KIF16B: variants seen among roughly 807,000 people sequenced by gnomAD.
KIF16B encodes the protein kinesin-like protein KIF16B.
KIF16B carries 98 observed loss-of-function variants against 156.3 expected under a neutral mutation model. The ratio of observed to expected loss-of-function variants is 0.63; its 90% CI spans 0.53 to 0.74. The LOEUF (loss-of-function observed/expected upper bound fraction) is 0.74. Ranked by LOEUF, KIF16B falls within the 30% of genes least tolerant of loss-of-function variation. The pLI is 0.00. For synonymous variants in KIF16B, 564 were observed against 583.7 expected, an observed-to-expected ratio of 0.97 and a Z score of 0.49; for missense variants, 1,421 against 1,606.5, an observed-to-expected ratio of 0.88 and a Z score of 1.97.
chr20:16,287,922 T>C (rs1050311163), intron 25 of KIF16B, among the ~76,000 whole-genome samples: 3 of 152,190 alleles, frequency 2.0e-5, no homozygotes, highest in Non-Finnish European at 2.9e-5. Context: ...TTCCACATAA[T>C]CTGACAGGTG....
chr20:16,338,314 C>A (rs1306203830), intron 23 of KIF16B, among the ~76,000 whole-genome samples: 2 of 152,150 alleles, frequency 1.3e-5, no homozygotes, highest in Admixed American at 6.5e-5. Context: ...CTCCTGTATC[C>A]TCTCTGAACT....
intron 15 of KIF16B, among the ~76,000 whole-genome samples, chr20:16,419,082 T>C (rs182934889): frequency 2.3e-4 from 35 of 152,266 alleles, no homozygotes; most frequent in Non-Finnish European, 2.6e-4. Flanking sequence ...AGGTGGAGCC[T>C]GGGAATTTGC....
At position 16,356,351 on chromosome 20, in the gene KIF16B, T is replaced by G; in HGVS notation, c.3600A>C (p.Ala1200=). ...RYVLCGQGKD[A]HFEFEVKITV... ...TCACCTTGACCTCAAACTCGAAGTG[T>G]GCATCCTTTCCTTGCCCGCAGAGGA... Residue 1200 remains alanine, a synonymous_variant, in exon 23 of 26, where the codon GCA becomes GCC. Coordinates refer to ENST00000354981, the MANE Select transcript of KIF16B (RefSeq NM_024704.5). 1 of 1,614,160 alleles carries G rather than the reference T, an allele frequency of 6.2e-7. No individual in the cohort carries two copies.
intron 10 of KIF16B, among the ~76,000 whole-genome samples, chr20:16,499,317 T>C (rs1376670190): frequency 1.3e-5 from 2 of 152,232 alleles, no homozygotes; most frequent in Non-Finnish European, 2.9e-5. Context: ...AGTACATATG[T>C]AGTTCATCCT....
intron 25 of KIF16B, among the ~76,000 whole-genome samples, chr20:16,298,768 C>T (rs917621877): frequency 5.9e-5 from 9 of 152,172 alleles, no homozygotes; most frequent in African/African-American, 2.2e-4. Flanking sequence ...TGAACTTAAT[C>T]AAGCCTCTGG....
At chr20:16,422,347 T>G (rs2066246475) in intron 15 of KIF16B, among the ~76,000 whole-genome samples, 1 of 152,120 alleles carries the variant, frequency 6.6e-6, no homozygotes, top group African/African-American at 2.4e-5. Context: ...AGTACTGATT[T>G]TCTCACAGAA....
intron 3 of KIF16B, among the ~76,000 whole-genome samples, chr20:16,523,749 C>T (rs981084417): frequency 2.6e-5 from 4 of 152,066 alleles, no homozygotes; most frequent in African/African-American, 7.2e-5. Context: ...GCAAAAAGAA[C>T]AAAGCTGGAG....
At chr20:16,554,990 T>G (rs1021604135) in intron 1 of KIF16B, among the ~76,000 whole-genome samples, 3 of 152,222 alleles carry the variant, frequency 2.0e-5, no homozygotes, top group African/African-American at 7.2e-5. Flanking sequence ...TGGCTTGCCC[T>G]TGGCAGGCAT....
At chr20:16,494,398 T>TA in intron 11 of KIF16B, 48 bp from the exon 12 acceptor site, 1 of 1,259,452 alleles carries the variant, frequency 7.9e-7, no homozygotes, top group Non-Finnish European at 1.1e-6. Context: ...AGAAAGTTTA[T>TA]AATTTTCTTC....
At chr20:16,333,075 C>A (rs534387503) in intron 24 of KIF16B, among the ~76,000 whole-genome samples, 1 of 152,316 alleles carries the variant, frequency 6.6e-6, no homozygotes, top group South Asian at 2.1e-4. Flanking sequence ...CAAGGCTCCA[C>A]ATGATAGAGT....
intron 20 of KIF16B, 45 bp from the exon 21 acceptor site, chr20:16,371,806 A>G: frequency 9.9e-6 from 13 of 1,314,934 alleles, no homozygotes; most frequent in Non-Finnish European, 1.4e-5. Context: ...TTCTAACCAC[A>G]CAGGACATTC....
intron 1 of KIF16B, among the ~76,000 whole-genome samples, chr20:16,552,655 T>A (rs1357701942): frequency 6.6e-6 from 1 of 152,172 alleles, no homozygotes; most frequent in Non-Finnish European, 1.5e-5. Context: ...GCCCAGAGGT[T>A]TTTAAAGGTC....
chr20:16,301,619 A>G (rs988358737), intron 25 of KIF16B, among the ~76,000 whole-genome samples: 1 of 151,968 alleles, frequency 6.6e-6, no homozygotes, highest in Non-Finnish European at 1.5e-5. Flanking sequence ...CCTTCTGTAT[A>G]TCTTCTTTGG....
At chr20:16,485,345 A>G (rs2146869067) in intron 12 of KIF16B, among the ~76,000 whole-genome samples, 1 of 151,944 alleles carries the variant, frequency 6.6e-6, no homozygotes, top group Non-Finnish European at 1.5e-5. Flanking sequence ...AGTTTGTTCT[A>G]TAGAAAAAAA....
At chr20:16,513,793 T>C (rs1019718778) in intron 4 of KIF16B, among the ~76,000 whole-genome samples, 5 of 152,018 alleles carry the variant, frequency 3.3e-5, no homozygotes, top group African/African-American at 4.8e-5. Flanking sequence ...CGTTCAATAA[T>C]GTTCATGTTT....
At chr20:16,317,756 G>A (rs2063718730) in intron 24 of KIF16B, among the ~76,000 whole-genome samples, 1 of 152,222 alleles carries the variant, frequency 6.6e-6, no homozygotes, top group South Asian at 2.1e-4. Context: ...AGAGAGAAGA[G>A]ATGACGGGAG....
intron 1 of KIF16B, among the ~76,000 whole-genome samples, chr20:16,561,466 A>G (rs1432791634): frequency 6.6e-6 from 1 of 152,140 alleles, no homozygotes; most frequent in Non-Finnish European, 1.5e-5. Context: ...GTCAGTGGGA[A>G]AAAAAAAGTT....
intron 14 of KIF16B, 80 bp from the exon 15 acceptor site, chr20:16,427,321 A>T: frequency 7.7e-7 from 1 of 1,302,344 alleles, no homozygotes; most frequent in Non-Finnish European, 1.1e-6. Context: ...CTATAAATTT[A>T]TTTATTTTCC....
chr20:16,562,372 G>C (rs2071093685), intron 1 of KIF16B, among the ~76,000 whole-genome samples: 1 of 152,156 alleles, frequency 6.6e-6, no homozygotes, highest in Non-Finnish European at 1.5e-5. Context: ...ACGGGAAAGA[G>C]CTGAAGCTGT....
Sources: gnomAD v4.1 joint callset for allele counts (sites outside exome capture counted in the v4.1 genomes callset) on GRCh38, gnomAD v4.1.1 for gene constraint, MANE v1.5 for transcripts, NCBI Gene and HGNC (gene_info 2026-07-23, HGNC 2026-07-21) for gene names.